The following MACROD2 variants were observed in gnomAD, a reference collection of about 807,000 sequenced individuals.
MACROD2 encodes the protein mono-ADP ribosylhydrolase 2, also known as ADP-ribose glycohydrolase MACROD2.
MACROD2 carries 36 observed loss-of-function variants against 70.4 expected under a neutral mutation model. The observed-to-expected ratio is 0.51, with a 90% CI of 0.39 to 0.68. The LOEUF is 0.68. Among genes scored for constraint, MACROD2 ranks in the 30% least tolerant of loss-of-function variants. MACROD2 has a pLI of 0.00. For synonymous variants in MACROD2, 172 were observed against 178.8 expected (o/e 0.96, Z 0.30); for missense variants, 496 against 538.4 (o/e 0.92, Z 0.78).
chr20:15,065,614 A>T (rs1470143376), intron 5 of MACROD2, among the ~76,000 whole-genome samples: 1 of 150,790 alleles, frequency 6.6e-6, no homozygotes, highest in Non-Finnish European at 1.5e-5. Context: ...AGATCGCGCC[A>T]CTGCACTCTA....
intron 2 of MACROD2, among the ~76,000 whole-genome samples, chr20:14,065,260 G>A (rs963345217): frequency 6.6e-6 from 1 of 152,110 alleles, no homozygotes. Context: ...AGGACTCCTC[G>A]CATCTGATCT....
At chr20:15,871,677 T>C (rs145753434) in intron 9 of MACROD2, among the ~76,000 whole-genome samples, 1 of 152,158 alleles carries the variant, frequency 6.6e-6, no homozygotes, top group Non-Finnish European at 1.5e-5. Context: ...CTTTAAAGAA[T>C]GAACAAGGGT....
chr20:15,963,596 AG>A (rs1468505048), intron 12 of MACROD2, among the ~76,000 whole-genome samples: 1 of 152,194 alleles, frequency 6.6e-6, no homozygotes, highest in African/African-American at 2.4e-5. Flanking sequence ...TTCATGGAGC[AG>A]GAATCAAGCT....
chr20:14,131,550 T>G (rs751035424), intron 3 of MACROD2, among the ~76,000 whole-genome samples: 1 of 152,198 alleles, frequency 6.6e-6, no homozygotes, highest in African/African-American at 2.4e-5. Flanking sequence ...TCAGAAGATG[T>G]CAGTTTAAAT....
At chr20:14,577,559 T>G (rs1000446442) in intron 4 of MACROD2, among the ~76,000 whole-genome samples, 1 of 152,012 alleles carries the variant, frequency 6.6e-6, no homozygotes, top group Non-Finnish European at 1.5e-5. Flanking sequence ...TGGGAGCGAT[T>G]GTTTGAGGCT....
At chr20:14,249,945 A>G (rs534730507) in intron 3 of MACROD2, among the ~76,000 whole-genome samples, 1 of 152,256 alleles carries the variant, frequency 6.6e-6, no homozygotes, top group African/African-American at 2.4e-5. Context: ...ACCAAAGTCA[A>G]AGTATAAAAG....
At chr20:15,792,323 G>T (rs976155298) in intron 8 of MACROD2, among the ~76,000 whole-genome samples, 7 of 152,038 alleles carry the variant, frequency 4.6e-5, no homozygotes, top group Non-Finnish European at 8.8e-5. Flanking sequence ...GTCTTTCCAT[G>T]AAGGACACAA....
chr20:14,835,868 T>C (rs998611038), intron 5 of MACROD2, among the ~76,000 whole-genome samples: 3 of 152,094 alleles, frequency 2.0e-5, no homozygotes, highest in African/African-American at 7.2e-5. Context: ...AAGTACCATT[T>C]TCTTAGCTAC....
chr20:15,733,135 G>A (rs1425216952), intron 8 of MACROD2, among the ~76,000 whole-genome samples: 2 of 152,072 alleles, frequency 1.3e-5, no homozygotes, highest in Non-Finnish European at 2.9e-5. Flanking sequence ...TGTCAAATTT[G>A]TGGGCATAGA....
intron 10 of MACROD2, among the ~76,000 whole-genome samples, chr20:15,902,696 T>TACAA (rs2065083057): frequency 6.6e-6 from 1 of 152,058 alleles, no homozygotes; most frequent in Non-Finnish European, 1.5e-5. Flanking sequence ...AAGGTTCTCA[T>TACAA]GGCAAGGAGC....
intron 7 of MACROD2, among the ~76,000 whole-genome samples, chr20:15,433,205 G>T (rs1211970092): frequency 1.3e-5 from 2 of 151,980 alleles, no homozygotes; most frequent in Non-Finnish European, 2.9e-5. Context: ...TTTAGCCAGA[G>T]CAATCAGACG....
At chr20:14,273,424 TA>T (rs1474761306) in intron 3 of MACROD2, among the ~76,000 whole-genome samples, 1 of 148,928 alleles carries the variant, frequency 6.7e-6, no homozygotes, top group Non-Finnish European at 1.5e-5. Flanking sequence ...AAGGCAGAAA[TA>T]AAGATGTTCT....
At chr20:14,504,270 T>C (rs965543851) in intron 4 of MACROD2, among the ~76,000 whole-genome samples, 3 of 152,202 alleles carry the variant, frequency 2.0e-5, no homozygotes, top group Non-Finnish European at 2.9e-5. Flanking sequence ...TGTGTAAGAA[T>C]TGCACATACA....
At chr20:15,022,865 C>T (rs900677711) in intron 5 of MACROD2, 1 of 152,100 alleles carries the variant, frequency 6.6e-6, no homozygotes, top group African/African-American at 2.4e-5. Flanking sequence ...CTTGCTTTGG[C>T]AACACATATA....
intron 8 of MACROD2, among the ~76,000 whole-genome samples, chr20:15,505,988 G>A (rs2047421554): frequency 6.6e-6 from 1 of 152,098 alleles, no homozygotes; most frequent in Non-Finnish European, 1.5e-5. Flanking sequence ...AACACCTGTG[G>A]TATTGCTGTT....
intron 5 of MACROD2, among the ~76,000 whole-genome samples, chr20:15,182,882 A>C (rs551042714): frequency 2.0e-5 from 3 of 152,212 alleles, no homozygotes; most frequent in African/African-American, 7.2e-5. Flanking sequence ...GTCTATAAAC[A>C]TGTACAGACA....
At chr20:15,744,588 G>A (rs6043502) in intron 8 of MACROD2, among the ~76,000 whole-genome samples, 3 of 151,836 alleles carry the variant, frequency 2.0e-5, no homozygotes, top group South Asian at 4.1e-4. Context: ...AAGCTTGTGG[G>A]TGGTGATGCC....
chr20:15,302,841 A>G (rs184928046), intron 6 of MACROD2, among the ~76,000 whole-genome samples: 7 of 152,300 alleles, frequency 4.6e-5, no homozygotes, highest in Admixed American at 3.3e-4. Context: ...CATTTCCTCA[A>G]CTACTATAGA....
chr20:14,841,628 T>A (rs1031492453), intron 5 of MACROD2, among the ~76,000 whole-genome samples: 2 of 152,170 alleles, frequency 1.3e-5, no homozygotes, highest in Admixed American at 1.3e-4. Context: ...AGTGTCTTGC[T>A]GTTCTATTGT....
Sources: allele counts gnomAD v4.1 joint callset (sites outside exome capture counted in the v4.1 genomes callset), GRCh38; gene constraint gnomAD v4.1.1; transcripts MANE v1.5; gene names NCBI Gene and HGNC (gene_info 2026-07-23, HGNC 2026-07-21).